BAZ1B: variants seen among roughly 807,000 people sequenced by gnomAD.
BAZ1B encodes bromodomain adjacent to zinc finger domain 1B.
BAZ1B carries 22 observed loss-of-function variants against 153.8 expected under a neutral mutation model. That is an observed-to-expected ratio of 0.14 (90% confidence interval 0.10 to 0.20). The LOEUF (loss-of-function observed/expected upper bound fraction) is 0.20, where lower values mean the gene tolerates loss of function less well. Among genes scored for constraint, BAZ1B ranks in the 10% least tolerant of loss-of-function variants. The pLI is 1.00. For missense variants in BAZ1B, 1,325 were observed against 1,799.3 expected (o/e 0.74, Z 4.77); for synonymous variants, 676 against 633.4 (o/e 1.07, Z -1.01).
At chr7:73,474,789 T>C (rs1697318117) in intron 7 of BAZ1B, among the ~76,000 whole-genome samples, 1 of 151,982 alleles carries the variant, frequency 6.6e-6, no homozygotes. Context: ...CCAAAAAAAG[T>C]AAAAGGACAA....
chr7:73,482,804 G>GT (rs1366662225), intron 6 of BAZ1B, among the ~76,000 whole-genome samples: 4 of 151,986 alleles, frequency 2.6e-5, no homozygotes, highest in Admixed American at 6.6e-5. Flanking sequence ...GTTTTTGTTT[G>GT]TTTTTTTCTT....
At chr7:73,483,732 C>T (rs1165760479) in intron 6 of BAZ1B, among the ~76,000 whole-genome samples, 1 of 152,052 alleles carries the variant, frequency 6.6e-6, no homozygotes, top group Non-Finnish European at 1.5e-5. Flanking sequence ...ACCTTGACCT[C>T]CTGGGCTCAA....
chr7:73,516,205 G>C (rs1221833965), intron 1 of BAZ1B, among the ~76,000 whole-genome samples: 2 of 152,074 alleles, frequency 1.3e-5, no homozygotes, highest in Non-Finnish European at 2.9e-5. Flanking sequence ...TTTGGAGATG[G>C]TGGTCTCACT....
chr7:73,478,694 T>A (rs1789087103), intron 6 of BAZ1B, 125 bp from the exon 7 acceptor site: 2 of 775,120 alleles, frequency 2.6e-6, no homozygotes, highest in South Asian at 7.1e-5. Context: ...TATCTCTTCA[T>A]AGATACTTTG....
At chr7:73,479,094 T>C (rs563785684) in intron 6 of BAZ1B, among the ~76,000 whole-genome samples, 31 of 149,482 alleles carry the variant, frequency 2.1e-4, no homozygotes, top group Non-Finnish European at 3.5e-4. Flanking sequence ...GTCTTAACTC[T>C]GAGGTACATT....
At chr7:73,484,149 C>T (rs998943659) in intron 6 of BAZ1B, among the ~76,000 whole-genome samples, 3 of 152,060 alleles carry the variant, frequency 2.0e-5, no homozygotes, top group Non-Finnish European at 2.9e-5. Flanking sequence ...GCCTGTAGTC[C>T]CAGCTACTCG....
chr7:73,489,929 C>T (rs188422763), intron 5 of BAZ1B, among the ~76,000 whole-genome samples: 1 of 152,270 alleles, frequency 6.6e-6, no homozygotes, highest in East Asian at 1.9e-4. Flanking sequence ...AAGAATTTAT[C>T]TTAGGAAGTA....
chr7:73,454,553 G>C (rs924148491), intron 13 of BAZ1B, among the ~76,000 whole-genome samples: 12 of 152,158 alleles, frequency 7.9e-5, no homozygotes, highest in African/African-American at 2.9e-4. Context: ...ATAAGCTTTG[G>C]AAAGGACAGC....
At chr7:73,480,415 A>G (rs897550833) in intron 6 of BAZ1B, among the ~76,000 whole-genome samples, 17 of 152,192 alleles carry the variant, frequency 1.1e-4, no homozygotes, top group African/African-American at 3.9e-4. Flanking sequence ...AAAAAGAAAA[A>G]CCAAACTCTT....
rs782255722 is a variant in BAZ1B, at chr7:73,492,812, T to C, written c.681A>G (p.Gln227=). 6.2e-7 allele frequency: 1 copy of C among 1,604,102 alleles called. No individual in the cohort carries two copies. Among genetic ancestry groups the C allele is most frequent in the South Asian group, 1.1e-5 (1 of 88,576 alleles). The change falls in exon 5 of 20, where the codon CAA becomes CAG. Residue 227 remains glutamine, a synonymous_variant. Transcript: ENST00000339594. ...FLPHKYDVKL[Q]NEDKIISNVP... ...AGTGTCAACTAACCTTATCTTCATT[T>C]TGTAGTTTCACATCATATTTGTGAG...
In BAZ1B at chr7:73,469,554, G is replaced by C. The variant is rs782386847; in HGVS notation, c.2829C>G (p.Asp943Glu). Residue 943 changes from aspartate (D) to glutamate (E), a missense_variant, in exon 9 of 20, where the codon GAC (aspartate) becomes GAG (glutamate). Around this residue, in one of 9 missense-constraint regions of BAZ1B, gnomAD observed 431 missense variants for 563.5 expected, o/e 0.76. Coordinates refer to ENST00000339594, the MANE Select transcript of BAZ1B (RefSeq NM_032408.4). The stretch of plus-strand genomic sequence containing the variant: ...AATCCTCATCACCAGAGACTGTGTG[G>C]TCTTTGCAGTGATGGTTGAATCGGT... ...IDYRFNHHCK[D>E]HTVSGDEDYC... 1.2e-6 allele frequency: 2 copies of C among 1,614,192 alleles called. No homozygotes were observed. The highest frequency in any genetic ancestry group is 2.2e-5 in the South Asian group (2 of 91,090).
chr7:73,479,416 C>T (rs1453735643), intron 6 of BAZ1B, among the ~76,000 whole-genome samples: 2 of 149,018 alleles, frequency 1.3e-5, no homozygotes, highest in African/African-American at 2.5e-5. Flanking sequence ...GGCTGAGGCT[C>T]GAAATTGCTT....
chr7:73,476,372 T>C (rs559498334), intron 7 of BAZ1B, among the ~76,000 whole-genome samples: 9 of 152,226 alleles, frequency 5.9e-5, no homozygotes, highest in Non-Finnish European at 1.2e-4. Flanking sequence ...AAGCCCAAAA[T>C]TTTTAAGTTC....
chr7:73,447,122 A>G, intron 16 of BAZ1B, 142 bp downstream of exon 16: 2 of 1,474,384 alleles, frequency 1.4e-6, no homozygotes, highest in Non-Finnish European at 1.8e-6. Flanking sequence ...AACCCATGGC[A>G]GCTAAGTTAC....
At chr7:73,472,886 A>T (rs1554572258) in intron 7 of BAZ1B, among the ~76,000 whole-genome samples, 20 of 150,434 alleles carry the variant, frequency 1.3e-4, no homozygotes, top group Admixed American at 1.3e-3. Flanking sequence ...CTTCCCGAGT[A>T]GCTGGAATTA....
At chr7:73,485,625 GAAAAAAA>G (rs71517389) in intron 6 of BAZ1B, among the ~76,000 whole-genome samples, 8 of 76,226 alleles carry the variant, frequency 1.0e-4, no homozygotes, top group Admixed American at 4.8e-4. Context: ...GCCTACCTCA[GAAAAAAA>G]AAAAAAAAAA....
In BAZ1B at chr7:73,510,836, A is replaced by G; in HGVS notation, c.124T>C (p.Leu42=). The G allele has an allele frequency of 5.6e-6, 9 of 1,614,104 alleles. No homozygotes were observed. Among genetic ancestry groups the G allele is most frequent in the Non-Finnish European group, 7.6e-6 (9 of 1,180,008 alleles). ...FRTREEYEAR[L]ERYSERIWTC... ...CAAATGCGCTCACTGTACCTTTCCA[A>G]GCGGGCTTCATACTCTCTGTTGGCA... Residue 42 remains leucine (L), a synonymous_variant, in exon 2 of 20, where the codon TTG becomes CTG. Coordinates refer to ENST00000339594, the MANE Select transcript of BAZ1B (RefSeq NM_032408.4).
chr7:73,442,665 G>A (rs1335417750), intron 18 of BAZ1B, 60 bp downstream of exon 18: 7 of 1,566,034 alleles, frequency 4.5e-6, no homozygotes, highest in Non-Finnish European at 6.1e-6. Context: ...AGGGGCTCTG[G>A]AAGCTTTTAG....
At chr7:73,446,641 C>G (rs1417662543) in intron 16 of BAZ1B, among the ~76,000 whole-genome samples, 1 of 151,372 alleles carries the variant, frequency 6.6e-6, no homozygotes, top group African/African-American at 2.4e-5. Flanking sequence ...AAACACCAGA[C>G]TCTCCAACAC....
Sources: gnomAD v4.1 joint callset for allele counts (sites outside exome capture counted in the v4.1 genomes callset) on GRCh38, gnomAD v4.1.1 for gene constraint, gnomAD v4.1.1 regional missense constraint, MANE v1.5 for transcripts, NCBI Gene and HGNC (gene_info 2026-07-23, HGNC 2026-07-21) for gene names.